The following SCUBE1 variants were observed in gnomAD, a reference collection of about 807,000 sequenced individuals.
SCUBE1 encodes the protein signal peptide, CUB domain and EGF like domain containing 1.
In SCUBE1, 59 loss-of-function variants were observed where a neutral mutation model predicts 124.4. That is an observed-to-expected ratio of 0.47 (90% CI 0.38 to 0.59). SCUBE1 has a LOEUF of 0.59. SCUBE1 is among the 20% of genes least tolerant of loss of function. The pLI is 0.00. For synonymous variants in SCUBE1, 545 were observed against 550.9 expected (o/e 0.99, Z 0.15); for missense variants, 1,150 against 1,371.2 (o/e 0.84, Z 2.55).
At chr22:43,263,034 C>T (rs148602016) in intron 4 of SCUBE1, among the ~76,000 whole-genome samples, 189 bp from the exon 5 acceptor site, 6 of 152,338 alleles carry the variant, frequency 3.9e-5, no homozygotes, top group African/African-American at 1.4e-4. Flanking sequence ...ACATGGATAT[C>T]CCTTAGGGAG....
At chr22:43,333,919 G>A (rs114164239) in intron 2 of SCUBE1, among the ~76,000 whole-genome samples, 74 of 152,336 alleles carry the variant, frequency 4.9e-4, no homozygotes, top group African/African-American at 1.8e-3. Flanking sequence ...AGGGTGTCTG[G>A]AAGCAAACAC....
chr22:43,241,113 C>G lies in SCUBE1; in HGVS notation c.728-2159G>C, dbSNP rs971495132. On this transcript the variant is annotated intron_variant, in intron 6 of 21. Coordinates refer to ENST00000360835, the MANE Select transcript of SCUBE1 (RefSeq NM_173050.5). ...AAGAATCCTGGAGGCTCTTCTCTTC[C>G]CTGAAGTCCCTAATGGGACTTGGAA... 4.6e-5 allele frequency among the ~76,000 whole-genome samples: 7 copies of G among 152,276 alleles called. No homozygotes were observed. In the East Asian group the frequency reaches 1.4e-3, roughly 29 times the overall value.
chr22:43,279,198 C>G (rs1924659188), intron 4 of SCUBE1, among the ~76,000 whole-genome samples: 1 of 152,182 alleles, frequency 6.6e-6, no homozygotes, highest in African/African-American at 2.4e-5. Context: ...CCCCAGGAAA[C>G]CTGTACCCTA....
intron 2 of SCUBE1, among the ~76,000 whole-genome samples, chr22:43,321,847 G>C (rs1017497952): frequency 6.6e-6 from 1 of 152,170 alleles, no homozygotes; most frequent in Admixed American, 6.5e-5. Flanking sequence ...CTAGTAGCTG[G>C]AATTATAGGC....
chr22:43,212,367 G>A (rs568363177), intron 17 of SCUBE1, 58 bp downstream of exon 17: 16 of 1,513,654 alleles, frequency 1.1e-5, no homozygotes, highest in African/African-American at 9.7e-5. Flanking sequence ...GAAGCCTCTC[G>A]GAGCAGTGCA....
intron 4 of SCUBE1, among the ~76,000 whole-genome samples, chr22:43,268,087 C>T (rs1924145661): frequency 6.6e-6 from 1 of 152,210 alleles, no homozygotes; most frequent in African/African-American, 2.4e-5. Flanking sequence ...CAGGTCCATG[C>T]AGCCAGTGGC....
intron 21 of SCUBE1, among the ~76,000 whole-genome samples, chr22:43,206,970 G>A (rs1024192944): frequency 3.3e-5 from 5 of 152,154 alleles, no homozygotes; most frequent in Non-Finnish European, 7.4e-5. Flanking sequence ...GTGACAGCGG[G>A]AGCGTTCCAG....
At chr22:43,342,277 G>C (rs1195263217) in intron 1 of SCUBE1, among the ~76,000 whole-genome samples, 1 of 151,902 alleles carries the variant, frequency 6.6e-6, no homozygotes, top group African/African-American at 2.4e-5. Context: ...GGGGGTCCCC[G>C]TGAAACCCAC....
chr22:43,289,089 G>C (rs780307046), intron 4 of SCUBE1, among the ~76,000 whole-genome samples: 9 of 152,220 alleles, frequency 5.9e-5, no homozygotes, highest in Non-Finnish European at 1.3e-4. Flanking sequence ...GGAGAAAGCC[G>C]GGCTTCAAAG....
chr22:43,259,895 G>C (rs765614284), intron 5 of SCUBE1, among the ~76,000 whole-genome samples: 7 of 152,176 alleles, frequency 4.6e-5, no homozygotes, highest in Non-Finnish European at 1.0e-4. Context: ...TTCTCCTCAG[G>C]AGTGACTCTT....
In SCUBE1 at chr22:43,210,320, G is replaced by T; in HGVS notation, c.2384-80C>A. The T allele has an allele frequency of 3.9e-6, 5 of 1,283,132 alleles. No homozygotes were observed. The highest frequency in any genetic ancestry group is 5.2e-6 in the Non-Finnish European group (5 of 960,012). 79.5% of individuals were successfully genotyped at this position (1,283,132 alleles called of 1,614,324 possible). ...GCCGGCCAGGCCTCTAACCACCTGGGAGGCCTAGGGCAGGGCTGGAAGGTG... is the reference window on the plus strand; with the variant it reads ...GCCGGCCAGGCCTCTAACCACCTGGTAGGCCTAGGGCAGGGCTGGAAGGTG... On this transcript the variant is annotated intron_variant, in intron 18 of 21. Transcript: ENST00000360835. This position sits in a 1 kb window ranked among gnomAD's most constrained non-coding sequence, Gnocchi z 4.5.
At chr22:43,274,303 T>A (rs935270727) in intron 4 of SCUBE1, among the ~76,000 whole-genome samples, 8 of 152,220 alleles carry the variant, frequency 5.3e-5, no homozygotes, top group African/African-American at 1.7e-4. Flanking sequence ...TTCCTGAGTA[T>A]AAGTATGTTC....
chr22:43,298,397 C>T (rs1473314932), intron 3 of SCUBE1, among the ~76,000 whole-genome samples: 1 of 152,200 alleles, frequency 6.6e-6, no homozygotes, highest in Non-Finnish European at 1.5e-5. Context: ...AACCTCTTGG[C>T]CTGGGCCTGA....
chr22:43,253,740 C>T (rs1214717061), intron 6 of SCUBE1, among the ~76,000 whole-genome samples: 5 of 152,218 alleles, frequency 3.3e-5, no homozygotes, highest in African/African-American at 1.2e-4. Flanking sequence ...CACCCATTTA[C>T]GTGATGCCAA....
intron 15 of SCUBE1, among the ~76,000 whole-genome samples, chr22:43,216,619 T>C (rs1921822185): frequency 6.6e-6 from 1 of 151,942 alleles, no homozygotes; most frequent in Non-Finnish European, 1.5e-5. Flanking sequence ...ACCATTGCAC[T>C]GCAGCCTGGC....
chr22:43,269,362 T>C (rs577130988), intron 4 of SCUBE1, among the ~76,000 whole-genome samples: 2 of 152,192 alleles, frequency 1.3e-5, no homozygotes, highest in African/African-American at 2.4e-5. Flanking sequence ...CCCGAGCCAG[T>C]GCGTACATCA....
Position 43,198,916 on chromosome 22 carries a change from TGC to T in SCUBE1, c.*5079_*5080del. 2.7e-6 allele frequency: 1 copy of T among 375,424 alleles called. No individual in the cohort carries two copies. Among genetic ancestry groups the T allele is most frequent in the Non-Finnish European group, 5.2e-6 (1 of 191,046 alleles). The allele number at this position is 375,424 out of a possible 1,614,324, so 23.3% of individuals were successfully genotyped here. A position where few individuals can be genotyped will look rare whatever the true frequency, so the allele number is the denominator to read the frequency against. On this transcript the variant is annotated 3_prime_UTR_variant, in exon 22 of 22. Transcript: ENST00000360835. ...TGCTTTCCGGGGCAGTTTGTCTGTC[TGC>T]TGTCTGGGGCAGTTTGTCTGTCTGT...
At chr22:43,206,663 G>A (rs1921298764) in intron 21 of SCUBE1, among the ~76,000 whole-genome samples, 2 of 152,170 alleles carry the variant, frequency 1.3e-5, no homozygotes, top group Non-Finnish European at 2.9e-5. Flanking sequence ...AGAAGGGGCC[G>A]AGAGGCTCTG....
In SCUBE1 at chr22:43,255,410, A is replaced by T; in HGVS notation, c.727+2809T>A. 1.6e-6 allele frequency: 2 copies of T among 1,228,338 alleles called. No individual in the cohort carries two copies. The highest frequency in any genetic ancestry group is 2.3e-6 in the Non-Finnish European group (2 of 854,218). The allele number at this position is 1,228,338 out of a possible 1,614,324, so 76.1% of individuals were successfully genotyped here. On this transcript the variant is annotated intron_variant, in intron 6 of 21. Transcript: ENST00000360835. The surrounding 1 kb of genome is among the most constrained non-coding windows in gnomAD (Gnocchi z 4.7). Reference sequence around the variant, plus strand: ...ACACACACGCCCATGTCCACATGCCAGTGCGCACCCGAGACACACATGTGC... The same window carrying T: ...ACACACACGCCCATGTCCACATGCCTGTGCGCACCCGAGACACACATGTGC...
Sources: gnomAD v4.1 joint callset for allele counts (sites outside exome capture counted in the v4.1 genomes callset) on GRCh38, gnomAD v4.1.1 for gene constraint, Gnocchi (gnomAD v3.1) non-coding constraint, MANE v1.5 for transcripts, NCBI Gene and HGNC (gene_info 2026-07-23, HGNC 2026-07-21) for gene names.